The following AMZ1 variants were observed in gnomAD, a reference collection of about 807,000 sequenced individuals.
AMZ1 encodes archaemetzincin-1.
AMZ1 carries 39 observed loss-of-function variants against 29.9 expected under a neutral mutation model. The observed-to-expected ratio is 1.30, with a 90% confidence interval of 1.01 to 1.70. The LOEUF (loss-of-function observed/expected upper bound fraction) is 1.70. AMZ1 is among the 40% of genes most tolerant of loss of function. The pLI, the probability that AMZ1 is intolerant of heterozygous loss-of-function variation, is 0.00. For synonymous variants in AMZ1, 458 were observed against 304.0 expected (o/e 1.51, Z -5.27); for missense variants, 1,041 against 680.6 (o/e 1.53, Z -5.89).
rs370587760 is a variant in AMZ1, at chr7:2,709,253, G to T, written c.771+9G>T. Reference sequence around the variant, plus strand: ...TGGTTCAGTGCTGCAAGGTGGGTGGGGGCTCTGGGGCTGGTAAGAGGGGAC... The same window carrying T: ...TGGTTCAGTGCTGCAAGGTGGGTGGTGGCTCTGGGGCTGGTAAGAGGGGAC... On this transcript the variant is annotated intron_variant, in intron 5 of 6. Coordinates refer to ENST00000683327, the MANE Select transcript of AMZ1 (RefSeq NM_001384743.1). 18 of 1,488,878 alleles carry T rather than the reference G, an allele frequency of 1.2e-5. No individual in the cohort carries two copies. The highest frequency in any genetic ancestry group is 5.6e-5 in the African/African-American group (4 of 70,824). The allele number at this position is 1,488,878 out of a possible 1,614,324, so 92.2% of individuals were successfully genotyped here.
At chr7:2,757,274 C>T (rs1451049670) in intron 4 of AMZ1, among the ~76,000 whole-genome samples, 1 of 56 alleles carries the variant, frequency 0.018, no homozygotes, top group Non-Finnish European at 0.045. Flanking sequence ...TAGCTGGGAC[C>T]GCAGCGCCCG....
intron 1 of AMZ1, among the ~76,000 whole-genome samples, chr7:2,692,139 C>G (rs980069500): frequency 6.6e-6 from 1 of 152,174 alleles, no homozygotes; most frequent in Non-Finnish European, 1.5e-5. Flanking sequence ...GTCGGGTGCT[C>G]CGAGGCCGGC....
At chr7:2,724,801 A>C (rs1377509703) in intron 4 of AMZ1, among the ~76,000 whole-genome samples, 4 of 152,242 alleles carry the variant, frequency 2.6e-5, no homozygotes, top group Non-Finnish European at 5.9e-5. Context: ...AATCACCGTC[A>C]GCCACGTGCC....
At chr7:2,735,494 A>G (rs1404648622) in intron 4 of AMZ1, among the ~76,000 whole-genome samples, 1 of 152,180 alleles carries the variant, frequency 6.6e-6, no homozygotes, top group African/African-American at 2.4e-5. Context: ...CGCAAGGGGA[A>G]AAGCACCACA....
In AMZ1 at chr7:2,709,769, A is replaced by C. The variant is rs760448691; in HGVS notation, c.901A>C (p.Arg301=). 8 of 1,611,860 alleles carry C rather than the reference A, an allele frequency of 5.0e-6. No homozygotes were observed. The Admixed American group carries it at 1.3e-4, about 27-fold the overall frequency. The change falls in exon 6 of 7, where the codon AGG becomes CGG. Residue 301 remains arginine, a synonymous_variant. Coordinates refer to ENST00000683327, the MANE Select transcript of AMZ1 (RefSeq NM_001384743.1). ...RPLDLCPICL[R]KLQHVLGFRL... is the part of the protein sequence containing the mutation. ...CCTGGACCTCTGTCCCATCTGCCTG[A>C]GGAAGCTGCAGCATGTCCTGGGTTT... is the stretch of plus-strand genomic sequence containing the variant.
At chr7:2,729,267 C>T (rs942025181) in intron 4 of AMZ1, 1 of 152,358 alleles carries the variant, frequency 6.6e-6, no homozygotes, top group East Asian at 1.9e-4. Flanking sequence ...ACGCTCCGGA[C>T]CGGGCTGCGC....
At position 2,712,506 on chromosome 7, in the gene AMZ1, C is replaced by G. The variant is rs1253508726; in HGVS notation, c.1125C>G (p.His375Gln). The change falls in exon 7 of 7, where the codon CAC becomes CAG. Residue 375 changes from histidine to glutamine, a missense_variant. His to Gln is a conservative substitution (Grantham distance 24). Transcript: ENST00000683327. ...SEPLTPDAGS[H>Q]TFASGPEEGL... ...CCCTCACCCCTGATGCCGGGAGTCA[C>G]ACCTTCGCCTCGGGGCCAGAGGAAG... 1.9e-6 allele frequency: 3 copies of G among 1,608,544 alleles called. No individual in the cohort carries two copies. The highest frequency in any genetic ancestry group is 2.5e-6 in the Non-Finnish European group (3 of 1,177,984).
upstream of AMZ1, among the ~76,000 whole-genome samples, chr7:2,760,762 G>A (rs2115394971): frequency 6.6e-6 from 1 of 152,306 alleles, no homozygotes; most frequent in South Asian, 2.1e-4. Flanking sequence ...TTTCCTCTAG[G>A]GACAGCGTCG....
At chr7:2,681,679 A>G (rs754601771) in intron 1 of AMZ1, among the ~76,000 whole-genome samples, 3 of 152,036 alleles carry the variant, frequency 2.0e-5, no homozygotes, top group Non-Finnish European at 4.4e-5. Flanking sequence ...ATGTCATTGG[A>G]GATTCGTCCC....
chr7:2,762,662 G>C, upstream of AMZ1: 3 of 1,599,624 alleles, frequency 1.9e-6, no homozygotes, highest in Non-Finnish European at 2.6e-6. Flanking sequence ...GACGATGAGA[G>C]GATAAATCAT....
chr7:2,738,810 C>T (rs11971014), intron 4 of AMZ1, among the ~76,000 whole-genome samples: 21,453 of 152,258 alleles, frequency 0.14, 1,659 homozygotes, highest in Middle Eastern at 0.19. Flanking sequence ...ACCTAGAATT[C>T]TGGCCTCCTC....
intron 1 of AMZ1, among the ~76,000 whole-genome samples, chr7:2,681,518 C>T (rs1317989797): frequency 6.6e-6 from 1 of 152,164 alleles, no homozygotes; most frequent in African/African-American, 2.4e-5. Flanking sequence ...GCCTTGCCCT[C>T]TCAAAGTGCT....
At chr7:2,695,234 G>C (rs1404236452) in intron 1 of AMZ1, among the ~76,000 whole-genome samples, 1 of 152,144 alleles carries the variant, frequency 6.6e-6, no homozygotes. Context: ...TCCAGAGGCG[G>C]GAATTCCACC....
intron 1 of AMZ1, among the ~76,000 whole-genome samples, chr7:2,680,872 C>T (rs1562729877): frequency 6.6e-6 from 1 of 152,248 alleles, no homozygotes; most frequent in Non-Finnish European, 1.5e-5. Context: ...CTGAGGACTC[C>T]GAGGAGATTT....
upstream of AMZ1, chr7:2,762,687 C>CGCT: frequency 6.3e-7 from 1 of 1,583,156 alleles, no homozygotes; most frequent in Non-Finnish European, 8.6e-7. Flanking sequence ...AAAGAAACCA[C>CGCT]GCTGCCCGGG....
chr7:2,712,970 G>A lies in AMZ1; in HGVS notation c.*92G>A. The A allele has an allele frequency of 1.5e-6, 2 of 1,354,792 alleles. No individual in the cohort carries two copies. Among genetic ancestry groups the A allele is most frequent in the South Asian group, 2.0e-5 (1 of 50,178 alleles). The allele number at this position is 1,354,792 out of a possible 1,614,324, so 83.9% of individuals were successfully genotyped here. On this transcript the variant is annotated 3_prime_UTR_variant, in exon 7 of 7. Transcript: ENST00000683327. ...CCACTACTGACCTGCCAGGGATAAAGAGGAAGGGTCTGCCTGGGTGGTGGC... is the reference window on the plus strand; with the variant it reads ...CCACTACTGACCTGCCAGGGATAAAAAGGAAGGGTCTGCCTGGGTGGTGGC...
intron 1 of AMZ1, among the ~76,000 whole-genome samples, chr7:2,693,679 C>T (rs1787540372): frequency 6.6e-6 from 1 of 152,232 alleles, no homozygotes; most frequent in Non-Finnish European, 1.5e-5. Context: ...CCTCAGCCTC[C>T]AGAGTAGCTA....
upstream of AMZ1, among the ~76,000 whole-genome samples, chr7:2,685,559 CAAA>C (rs56989894): frequency 1.7e-5 from 2 of 118,704 alleles, no homozygotes; most frequent in African/African-American, 5.8e-5. Flanking sequence ...GACTCCGTCT[CAAA>C]AAAAAAAAAA....
rs778842888 is a variant in AMZ1 at position 2,712,572 on chromosome 7, TGGGGGCCCTGCGGAGGCCATCAAG to T, written c.1193_1216del (p.Gly398_Lys405del). ...CAGCCTCAGAGGCTCCGCTGCCACCTGGGGGCCCTGCGGAGGCCATCAAGGAGCATGAACGGTGGCTGGCCATGT... is the reference window on the plus strand; with the variant it reads ...CAGCCTCAGAGGCTCCGCTGCCACCTGAGCATGAACGGTGGCTGGCCATGT... On this transcript the variant is annotated inframe_deletion, in exon 7 of 7. Transcript: ENST00000683327. The T allele has an allele frequency of 1.2e-6, 2 of 1,611,418 alleles. No individual in the cohort carries two copies. Among genetic ancestry groups the T allele is most frequent in the Non-Finnish European group, 1.7e-6 (2 of 1,179,192 alleles).
Sources: gnomAD v4.1 joint callset for allele counts (sites outside exome capture counted in the v4.1 genomes callset) on GRCh38, gnomAD v4.1.1 for gene constraint, MANE v1.5 for transcripts, NCBI Gene and HGNC (gene_info 2026-07-23, HGNC 2026-07-21) for gene names.